Variants in ATP9B observed in about 807,000 individuals in gnomAD.
The protein encoded by ATP9B is ATPase phospholipid transporting 9B.
In ATP9B, 110 loss-of-function variants were observed where a neutral mutation model predicts 146.1. The ratio of observed to expected loss-of-function variants is 0.75; its 90% CI spans 0.65 to 0.88. The LOEUF (loss-of-function observed/expected upper bound fraction) is 0.88. Ranked by LOEUF, ATP9B falls within the 40% of genes least tolerant of loss-of-function variation. The pLI is 0.00. For synonymous variants in ATP9B, 604 were observed against 569.7 expected, an observed-to-expected ratio of 1.06 and a Z score of -0.86; for missense variants, 1,499 against 1,496.4, an observed-to-expected ratio of 1.00 and a Z score of -0.03.
At chr18:79,372,624 C>T (rs1048363907) in intron 26 of ATP9B, 6 of 670,872 alleles carry the variant, frequency 8.9e-6, no homozygotes, top group Non-Finnish European at 1.6e-5. Flanking sequence ...CCAGTGGACA[C>T]GTGTGGGACC....
At chr18:79,235,648 A>G (rs1248316208) in intron 11 of ATP9B, among the ~76,000 whole-genome samples, 1 of 131,308 alleles carries the variant, frequency 7.6e-6, no homozygotes, top group Non-Finnish European at 1.7e-5. Flanking sequence ...CACACTTGTC[A>G]AGAAGTAGAA....
chr18:79,103,593 C>T (rs1326703242), intron 2 of ATP9B, among the ~76,000 whole-genome samples: 2 of 152,080 alleles, frequency 1.3e-5, no homozygotes, highest in Non-Finnish European at 2.9e-5. Context: ...GTGGTGGTGA[C>T]TGTGACTTCT....
At chr18:79,086,279 T>C (rs2073818405) in intron 1 of ATP9B, 1 of 151,402 alleles carries the variant, frequency 6.6e-6, no homozygotes, top group South Asian at 2.1e-4. Context: ...GTACTAAAAG[T>C]GTAAAAATTA....
chr18:79,179,708 A>G (rs1391278377), intron 8 of ATP9B, among the ~76,000 whole-genome samples: 1 of 152,198 alleles, frequency 6.6e-6, no homozygotes, highest in Non-Finnish European at 1.5e-5. Flanking sequence ...GATATGGCCC[A>G]GCATATGAAC....
chr18:79,094,196 C>A (rs1402770911), intron 1 of ATP9B, among the ~76,000 whole-genome samples: 3 of 152,188 alleles, frequency 2.0e-5, no homozygotes, highest in African/African-American at 7.2e-5. Flanking sequence ...TGTGTAGGAC[C>A]TGAGTAATTC....
At chr18:79,271,299 A>T (rs892773730) in intron 12 of ATP9B, among the ~76,000 whole-genome samples, 2 of 152,166 alleles carry the variant, frequency 1.3e-5, no homozygotes, top group Admixed American at 6.5e-5. Context: ...CAGGTTTGTT[A>T]CATATGTATA....
At chr18:79,150,941 G>A (rs976431345) in intron 6 of ATP9B, among the ~76,000 whole-genome samples, 10 of 152,070 alleles carry the variant, frequency 6.6e-5, no homozygotes, top group African/African-American at 2.2e-4. Flanking sequence ...TTGTTGAAAC[G>A]TATTAAAGAG....
At chr18:79,149,267 G>A (rs1209007288) in intron 6 of ATP9B, among the ~76,000 whole-genome samples, 1 of 152,166 alleles carries the variant, frequency 6.6e-6, no homozygotes, top group African/African-American at 2.4e-5. Context: ...TGATGTGAAG[G>A]CATATTGCGT....
At chr18:79,228,553 A>G (rs2095758051) in intron 11 of ATP9B, among the ~76,000 whole-genome samples, 1 of 152,154 alleles carries the variant, frequency 6.6e-6, no homozygotes, top group South Asian at 2.1e-4. Flanking sequence ...CTTTAAAGAG[A>G]TTATAATCAG....
intron 11 of ATP9B, among the ~76,000 whole-genome samples, chr18:79,238,718 G>A (rs777962303): frequency 6.6e-6 from 1 of 152,306 alleles, no homozygotes; most frequent in South Asian, 2.1e-4. Context: ...CCTAACTCGA[G>A]CTATGGACAG....
chr18:79,235,888 C>T (rs1450290966), intron 11 of ATP9B, among the ~76,000 whole-genome samples: 2 of 152,112 alleles, frequency 1.3e-5, no homozygotes, highest in Non-Finnish European at 2.9e-5. Flanking sequence ...TATGCAGCCA[C>T]GGATTTCTAC....
rs572572301 is a variant in ATP9B at position 79,131,954 on chromosome 18, C to T, written c.667+5579C>T. 3.3e-5 allele frequency among the ~76,000 whole-genome samples: 5 copies of T among 152,252 alleles called. No individual in the cohort carries two copies. The East Asian group carries it at 9.7e-4, about 29-fold the overall frequency. ...CAGACTGGAGGTGGCCATAGATGAG[C>T]GGAAGAAGGGAGCACGAAGCATCTG... is the stretch of plus-strand genomic sequence containing the variant. On this transcript the variant is annotated intron_variant, in intron 5 of 29. Transcript: ENST00000426216.
intron 2 of ATP9B, among the ~76,000 whole-genome samples, chr18:79,098,163 T>G (rs1308312615): frequency 6.6e-6 from 1 of 151,876 alleles, no homozygotes; most frequent in African/African-American, 2.4e-5. Context: ...TAATAAATGG[T>G]GCTGGGAAAA....
intron 9 of ATP9B, among the ~76,000 whole-genome samples, chr18:79,199,869 G>GAGA (rs1291165285): frequency 5.9e-5 from 9 of 152,026 alleles, no homozygotes; most frequent in Admixed American, 6.6e-5. Context: ...TGTCCTGCTG[G>GAGA]AAGATCTCCA....
intron 1 of ATP9B, among the ~76,000 whole-genome samples, chr18:79,094,264 G>C (rs2074597898): frequency 6.6e-6 from 1 of 152,188 alleles, no homozygotes; most frequent in Non-Finnish European, 1.5e-5. Flanking sequence ...TCGGGGGTGA[G>C]CCTGGGACTT....
intron 12 of ATP9B, among the ~76,000 whole-genome samples, chr18:79,265,108 G>GT (rs1350762654): frequency 6.6e-6 from 1 of 152,068 alleles, no homozygotes; most frequent in Non-Finnish European, 1.5e-5. Context: ...GTTCTCTTCT[G>GT]TGTGTTCTCA....
rs542426923 is a variant in ATP9B at position 79,309,689 on chromosome 18, G to C, written c.1773+2455G>C. Among the ~76,000 whole-genome samples, 65 of 151,412 alleles carry C rather than the reference G, an allele frequency of 4.3e-4. 1 individual carries two copies. The highest frequency in any genetic ancestry group is 6.7e-4 in the Non-Finnish European group (45 of 67,578). On this transcript the variant is annotated intron_variant, in intron 15 of 29. Transcript: ENST00000426216. ...CAGGTAGAAGGTCAGGGGCGGAGGA[G>C]TGATCCCCAGCAGGTAGAAGGTTTC...
At chr18:79,303,948 A>G (rs2096607196) in intron 14 of ATP9B, among the ~76,000 whole-genome samples, 1 of 151,980 alleles carries the variant, frequency 6.6e-6, no homozygotes, top group Non-Finnish European at 1.5e-5. Context: ...TATTCATATC[A>G]CATTTTACTA....
Position 79,101,366 on chromosome 18 carries a change from A to G in ATP9B, c.293+4717A>G, listed in dbSNP as rs144488975. Among the ~76,000 whole-genome samples the G allele has an allele frequency of 2.6e-3, 391 of 152,238 alleles. 3 individuals carry two copies. Among genetic ancestry groups the G allele is most frequent in the Non-Finnish European group, 4.0e-3 (269 of 68,016 alleles). On this transcript the variant is annotated intron_variant, in intron 2 of 29. Coordinates refer to ENST00000426216, the MANE Select transcript of ATP9B (RefSeq NM_198531.5). ...TCCATATTGTAGTGATATCTGTATTATGTGATTTGTTTTTTGAGGTTGGCC... is the reference window on the plus strand; with the variant it reads ...TCCATATTGTAGTGATATCTGTATTGTGTGATTTGTTTTTTGAGGTTGGCC...
Sources: allele counts gnomAD v4.1 joint callset (sites outside exome capture counted in the v4.1 genomes callset), GRCh38; gene constraint gnomAD v4.1.1; transcripts MANE v1.5; gene names NCBI Gene and HGNC (gene_info 2026-07-23, HGNC 2026-07-21).